The following CNTNAP2 variants were observed in gnomAD, a reference collection of about 807,000 sequenced individuals.
The protein encoded by CNTNAP2 is contactin-associated protein-like 2.
Under a neutral mutation model 155.2 loss-of-function variants are expected in CNTNAP2, and 98 were observed. The observed-to-expected ratio is 0.63, with a 90% confidence interval of 0.54 to 0.75. The LOEUF (loss-of-function observed/expected upper bound fraction) is 0.75, where lower values mean the gene tolerates loss of function less well. Among genes scored for constraint, CNTNAP2 ranks in the 30% least tolerant of loss-of-function variants. The pLI is 0.00. For synonymous variants in CNTNAP2, 651 were observed against 631.2 expected (o/e 1.03, Z -0.47); for missense variants, 1,727 against 1,688.1 (o/e 1.02, Z -0.40).
chr7:148,385,689 A>AGTT, intron 22 of CNTNAP2, among the ~76,000 whole-genome samples: 1 of 149,932 alleles, frequency 6.7e-6, no homozygotes, highest in Non-Finnish European at 1.5e-5. Flanking sequence ...GGGACCAAAG[A>AGTT]GTTTTTGTTC....
intron 1 of CNTNAP2, among the ~76,000 whole-genome samples, chr7:146,360,987 T>C (rs1056795705): frequency 2.0e-5 from 3 of 152,182 alleles, no homozygotes; most frequent in Admixed American, 6.5e-5. Context: ...TTATCAGAAA[T>C]TACATATAAC....
intron 1 of CNTNAP2, among the ~76,000 whole-genome samples, chr7:146,714,988 C>G (rs1026473814): frequency 6.6e-6 from 1 of 152,086 alleles, no homozygotes; most frequent in Admixed American, 6.6e-5. Context: ...AATTCCTACC[C>G]TATGAGAAGG....
chr7:146,379,596 T>C (rs1459858771), intron 1 of CNTNAP2, among the ~76,000 whole-genome samples: 1 of 152,184 alleles, frequency 6.6e-6, no homozygotes, highest in East Asian at 1.9e-4. Flanking sequence ...TGCTATAAGA[T>C]AGAAATGGGG....
At chr7:148,066,674 A>C (rs1803272455) in intron 15 of CNTNAP2, among the ~76,000 whole-genome samples, 1 of 151,358 alleles carries the variant, frequency 6.6e-6, no homozygotes, top group African/African-American at 2.4e-5. Context: ...ATTTTTTTGT[A>C]TTTTTAGTAG....
At chr7:146,709,170 TAAG>T (rs1339557416) in intron 1 of CNTNAP2, among the ~76,000 whole-genome samples, 1 of 152,110 alleles carries the variant, frequency 6.6e-6, no homozygotes, top group Non-Finnish European at 1.5e-5. Context: ...GAAACAGTGT[TAAG>T]GAGGAATCTT....
chr7:147,257,541 C>A (rs1042675227), intron 8 of CNTNAP2, among the ~76,000 whole-genome samples: 1 of 152,218 alleles, frequency 6.6e-6, no homozygotes. Context: ...TCCTTAGGCA[C>A]AAAACACACC....
chr7:148,088,770 CA>C (rs1190004653), intron 15 of CNTNAP2, among the ~76,000 whole-genome samples: 4 of 151,662 alleles, frequency 2.6e-5, no homozygotes, highest in Non-Finnish European at 5.9e-5. Flanking sequence ...AAACTTTTAC[CA>C]AAAAATGAAG....
At chr7:148,039,809 T>A (rs1012105306) in intron 15 of CNTNAP2, among the ~76,000 whole-genome samples, 6 of 152,218 alleles carry the variant, frequency 3.9e-5, no homozygotes, top group Non-Finnish European at 8.8e-5. Flanking sequence ...GTTTCAGAGA[T>A]GCCAAAGTAA....
At chr7:146,601,262 T>G (rs1159463706) in intron 1 of CNTNAP2, among the ~76,000 whole-genome samples, 1 of 152,116 alleles carries the variant, frequency 6.6e-6, no homozygotes, top group African/African-American at 2.4e-5. Flanking sequence ...AATTGCTATC[T>G]CATGTGGCAG....
chr7:146,339,400 G>A (rs1801335208), intron 1 of CNTNAP2, among the ~76,000 whole-genome samples: 1 of 152,066 alleles, frequency 6.6e-6, no homozygotes, highest in Non-Finnish European at 1.5e-5. Context: ...CCCAGACGTT[G>A]AGGTTTTTTC....
chr7:146,712,590 C>T (rs569072294), intron 1 of CNTNAP2, among the ~76,000 whole-genome samples: 2 of 150,590 alleles, frequency 1.3e-5, no homozygotes, highest in African/African-American at 2.4e-5. Flanking sequence ...ACAGTCTCTT[C>T]ACATATATGC....
intron 1 of CNTNAP2, among the ~76,000 whole-genome samples, chr7:146,193,285 G>C (rs376257859): frequency 1.3e-5 from 2 of 152,294 alleles, no homozygotes; most frequent in South Asian, 4.1e-4. Context: ...GACTCTGTGT[G>C]GGGGCTCCAA....
intron 1 of CNTNAP2, among the ~76,000 whole-genome samples, chr7:146,220,163 A>T (rs1174006609): frequency 6.6e-6 from 1 of 152,158 alleles, no homozygotes; most frequent in Non-Finnish European, 1.5e-5. Context: ...ATTTTGTAGG[A>T]GCTGACAAAT....
intron 1 of CNTNAP2, among the ~76,000 whole-genome samples, chr7:146,410,227 T>C (rs959787992): frequency 1.3e-5 from 2 of 152,314 alleles, no homozygotes; most frequent in South Asian, 2.1e-4. Flanking sequence ...CTTTCAACCT[T>C]TTATTTTTGT....
At chr7:146,502,444 G>A (rs1797319491) in intron 1 of CNTNAP2, among the ~76,000 whole-genome samples, 1 of 151,634 alleles carries the variant, frequency 6.6e-6, no homozygotes, top group Non-Finnish European at 1.5e-5. Context: ...TCCATTATTA[G>A]TTTTTTGAGA....
At chr7:147,405,330 C>T (rs61014540) in intron 10 of CNTNAP2, among the ~76,000 whole-genome samples, 3,808 of 152,254 alleles carry the variant, frequency 0.025, 183 homozygotes, top group African/African-American at 0.087. Flanking sequence ...CAAGTGCTTT[C>T]TTCTTAAAAT....
At chr7:148,368,392 G>C (rs949655906) in intron 21 of CNTNAP2, among the ~76,000 whole-genome samples, 1 of 152,144 alleles carries the variant, frequency 6.6e-6, no homozygotes, top group African/African-American at 2.4e-5. Context: ...GGCCTCCCCT[G>C]GTCTCCAGGC....
chr7:147,738,028 C>T (rs575363128), intron 13 of CNTNAP2, among the ~76,000 whole-genome samples: 115 of 152,326 alleles, frequency 7.5e-4, no homozygotes, highest in African/African-American at 2.6e-3. Flanking sequence ...CACTGTCCTG[C>T]ACCCACTGTC....
chr7:147,953,612 C>T (rs1185851775), intron 14 of CNTNAP2, among the ~76,000 whole-genome samples: 3 of 152,166 alleles, frequency 2.0e-5, no homozygotes, highest in African/African-American at 2.4e-5. Context: ...CTAAGACAAG[C>T]TGTGTTAGTA....
Sources: allele counts gnomAD v4.1 joint callset (sites outside exome capture counted in the v4.1 genomes callset), GRCh38; gene constraint gnomAD v4.1.1; transcripts MANE v1.5; gene names NCBI Gene and HGNC (gene_info 2026-07-23, HGNC 2026-07-21).